The following ZFYVE9 variants were observed in gnomAD, a reference collection of about 807,000 sequenced individuals.
The protein encoded by ZFYVE9 is zinc finger FYVE-type containing 9.
A neutral mutation model predicts 126.7 loss-of-function variants in ZFYVE9; 43 were observed. That is an observed-to-expected ratio of 0.34 (90% CI 0.27 to 0.44). ZFYVE9 has a LOEUF of 0.44. ZFYVE9 is among the 20% of genes least tolerant of loss of function. The pLI is 1.00. For synonymous variants in ZFYVE9, 521 were observed against 597.4 expected, an observed-to-expected ratio of 0.87 and a Z score of 1.87; for missense variants, 1,476 against 1,697.0, an observed-to-expected ratio of 0.87 and a Z score of 2.29.
chr1:52,263,280 C>T (rs2147796768), intron 4 of ZFYVE9, among the ~76,000 whole-genome samples: 1 of 152,138 alleles, frequency 6.6e-6, no homozygotes, highest in Non-Finnish European at 1.5e-5. Context: ...TATATATTGA[C>T]CCTTGGCCTT....
In ZFYVE9 at chr1:52,254,469, C is replaced by T. The variant is rs377625177; in HGVS notation, c.2179-9304C>T. ...CTCTGGGAGGCCGAGGCAGGCAGAT[C>T]GCTTGAGCCCAGGAGTTCAAGAGCA... On this transcript the variant is annotated intron_variant, in intron 4 of 18. Transcript: ENST00000287727. Among the ~76,000 whole-genome samples, 102 of 151,558 alleles carry T rather than the reference C, an allele frequency of 6.7e-4. No individual in the cohort carries two copies. In the East Asian group the frequency reaches 0.014, roughly 21 times the overall value.
chr1:52,143,960 C>T (rs1212521294), intron 1 of ZFYVE9, among the ~76,000 whole-genome samples: 2 of 152,142 alleles, frequency 1.3e-5, no homozygotes, highest in Non-Finnish European at 2.9e-5. Flanking sequence ...AGGTTAATCT[C>T]GATTTTTAAA....
chr1:52,256,924 C>T (rs1413763370), intron 4 of ZFYVE9, among the ~76,000 whole-genome samples: 2 of 152,168 alleles, frequency 1.3e-5, no homozygotes, highest in African/African-American at 2.4e-5. Flanking sequence ...TTTTATTATT[C>T]TCACATCACA....
At chr1:52,167,431 A>G (rs560572300) in intron 1 of ZFYVE9, among the ~76,000 whole-genome samples, 8 of 152,304 alleles carry the variant, frequency 5.3e-5, no homozygotes, top group Non-Finnish European at 1.0e-4. Context: ...GATAAATGAA[A>G]TTGCACGTTG....
intron 4 of ZFYVE9, among the ~76,000 whole-genome samples, chr1:52,246,519 C>T: frequency 6.7e-6 from 1 of 148,516 alleles, no homozygotes; most frequent in African/African-American, 2.5e-5. Flanking sequence ...TTTTTTTATC[C>T]TGTTTTTTTT....
At chr1:52,296,302 T>TA (rs1645974896) in intron 12 of ZFYVE9, among the ~76,000 whole-genome samples, 1 of 152,028 alleles carries the variant, frequency 6.6e-6, no homozygotes, top group African/African-American at 2.4e-5. Context: ...CTAGAAGTAA[T>TA]ACATAAATAA....
At chr1:52,184,682 C>T (rs1210159209) in intron 1 of ZFYVE9, among the ~76,000 whole-genome samples, 2 of 151,982 alleles carry the variant, frequency 1.3e-5, no homozygotes, top group East Asian at 1.9e-4. Flanking sequence ...CTATCCAGGA[C>T]GATTATTCCA....
At chr1:52,235,869 A>C (rs558091851) in intron 3 of ZFYVE9, among the ~76,000 whole-genome samples, 1 of 152,112 alleles carries the variant, frequency 6.6e-6, no homozygotes. Flanking sequence ...CTACTCCTAC[A>C]TAATAGTTTT....
At chr1:52,298,806 GTTTTTTT>G (rs747544817) in intron 12 of ZFYVE9, among the ~76,000 whole-genome samples, 1 of 109,198 alleles carries the variant, frequency 9.2e-6, no homozygotes, top group Non-Finnish European at 1.8e-5. Context: ...CTTTGTCAAT[GTTTTTTT>G]TTTTTTTTTT....
intron 13 of ZFYVE9, among the ~76,000 whole-genome samples, chr1:52,330,019 C>T (rs1646326023): frequency 1.4e-5 from 1 of 73,530 alleles, no homozygotes; most frequent in African/African-American, 4.5e-5. Context: ...CAGTGTCAAC[C>T]TGGATAACAT....
chr1:52,275,464 A>G (rs1645735968), intron 8 of ZFYVE9, among the ~76,000 whole-genome samples: 1 of 152,162 alleles, frequency 6.6e-6, no homozygotes, highest in Admixed American at 6.5e-5. Context: ...GAAATCTCCA[A>G]ACTGCTTTCC....
intron 4 of ZFYVE9, among the ~76,000 whole-genome samples, chr1:52,241,596 C>G (rs1412825040): frequency 6.6e-6 from 1 of 152,086 alleles, no homozygotes; most frequent in African/African-American, 2.4e-5. Flanking sequence ...CAAAATGCAT[C>G]ATAAATTGCA....
At chr1:52,243,958 A>G (rs146388679) in intron 4 of ZFYVE9, among the ~76,000 whole-genome samples, 270 of 152,254 alleles carry the variant, frequency 1.8e-3, no homozygotes, top group Non-Finnish European at 3.2e-3. Context: ...GGAGAGGTAA[A>G]TAGAAAACCA....
At chr1:52,304,485 ACT>A in intron 13 of ZFYVE9, among the ~76,000 whole-genome samples, 1 of 151,284 alleles carries the variant, frequency 6.6e-6, no homozygotes, top group Middle Eastern at 3.4e-3. Flanking sequence ...CTGGTCTCAA[ACT>A]CTTAATCTCA....
chr1:52,150,777 A>G (rs1292952345), intron 1 of ZFYVE9, among the ~76,000 whole-genome samples: 1 of 151,978 alleles, frequency 6.6e-6, no homozygotes, highest in Admixed American at 6.5e-5. Context: ...GTCTTAAAAA[A>G]AAAAAAAAAG....
rs1005048431 is a variant in ZFYVE9 at position 52,346,475 on chromosome 1, C to A, written c.*254C>A. On this transcript the variant is annotated 3_prime_UTR_variant, in exon 19 of 19. Transcript: ENST00000287727. ...CTTCTGTTCCTGCACAACAGTTATG[C>A]TATCCTTGCAGCTAATCCCCTTCTG... The A allele has an allele frequency of 9.3e-6, 4 of 428,592 alleles. No individual in the cohort carries two copies. Among genetic ancestry groups the A allele is most frequent in the African/African-American group, 8.0e-5 (4 of 49,990 alleles). 26.5% of individuals were successfully genotyped at this position (428,592 alleles called of 1,614,324 possible).
At chr1:52,209,243 G>A (rs1645005825) in intron 1 of ZFYVE9, among the ~76,000 whole-genome samples, 1 of 152,264 alleles carries the variant, frequency 6.6e-6, no homozygotes, top group East Asian at 1.9e-4. Flanking sequence ...AGAATGAGGA[G>A]GACAAGTAAG....
chr1:52,289,673 T>A (rs1243412672), intron 10 of ZFYVE9, among the ~76,000 whole-genome samples: 1 of 151,880 alleles, frequency 6.6e-6, no homozygotes, highest in African/African-American at 2.4e-5. Flanking sequence ...CAAATTCTTA[T>A]ACCCACTGTT....
At position 52,346,324 on chromosome 1, in the gene ZFYVE9, A is replaced by T. The variant is rs2147882317; in HGVS notation, c.*103A>T. The T allele has an allele frequency of 9.4e-5, 44 of 469,996 alleles. No individual in the cohort carries two copies. Among genetic ancestry groups the T allele is most frequent in the Non-Finnish European group, 1.4e-4 (42 of 290,942 alleles). The allele number at this position is 469,996 out of a possible 1,614,324, so 29.1% of individuals were successfully genotyped here. On this transcript the variant is annotated 3_prime_UTR_variant, in exon 19 of 19. Transcript: ENST00000287727. The stretch of plus-strand genomic sequence containing the variant: ...GGAAGATTAAGCTTTTGTTAACACT[A>T]TTAATGGGGTGGGGAATAGGGTGGG...
Sources: gnomAD v4.1 joint callset for allele counts (sites outside exome capture counted in the v4.1 genomes callset) on GRCh38, gnomAD v4.1.1 for gene constraint, MANE v1.5 for transcripts, NCBI Gene and HGNC (gene_info 2026-07-23, HGNC 2026-07-21) for gene names.